Variants in NOS1 observed in about 807,000 individuals in gnomAD.
NOS1 encodes the protein nitric oxide synthase 1.
Under a neutral mutation model 164.5 loss-of-function variants are expected in NOS1, and 51 were observed. That is an observed-to-expected ratio of 0.31 (90% CI 0.25 to 0.39). The LOEUF is 0.39. Ranked by LOEUF, NOS1 falls within the 10% of genes least tolerant of loss-of-function variation. The pLI is 1.00. For missense variants in NOS1, 1,362 were observed against 1,885.6 expected (o/e 0.72, Z 5.14); for synonymous variants, 719 against 745.8 (o/e 0.96, Z 0.59).
In NOS1 at chr12:117,260,534, T is replaced by C. The variant is rs368292097; in HGVS notation, c.2298A>G (p.Thr766=). The C allele has an allele frequency of 1.1e-5, 18 of 1,614,086 alleles. No individual in the cohort carries two copies. In the South Asian group the frequency reaches 1.8e-4, roughly 16 times the overall value. Residue 766 remains threonine, a synonymous_variant, in exon 14 of 29, where the codon ACA becomes ACG. Transcript: ENST00000317775. ...KRVKATILYA[T]ETGKSQAYAK... ...CATAAGCTTGCGATTTGCCTGTCTC[T>C]GTGGCATAGAGGATGGTCGCTTTCA...
chr12:117,342,740 T>A (rs1028247294), intron 1 of NOS1, among the ~76,000 whole-genome samples: 1 of 152,134 alleles, frequency 6.6e-6, no homozygotes, highest in Non-Finnish European at 1.5e-5. Context: ...TTACTCTGGC[T>A]GCTGCTGGAT....
In NOS1 at chr12:117,247,465, G is replaced by A. The variant is rs1047735; in HGVS notation, c.2706C>T (p.His902=). ...GTTCTTCCAGGAGGGTGTCCACAGC[G>A]TGTCCGAAGGCGCAAAAGTGAGGGT... is the stretch of plus-strand genomic sequence containing the variant. ...RAYPHFCAFG[H]AVDTLLEELG... Residue 902 remains histidine, a synonymous_variant, in exon 18 of 29, where the codon CAC becomes CAT. Transcript: ENST00000317775. 0.31 allele frequency: 502,332 copies of A among 1,611,784 alleles called. 82,302 individuals carry two copies. Among genetic ancestry groups the A allele is most frequent in the Admixed American group, 0.56 (33,444 of 59,666 alleles).
chr12:117,268,436 T>G (rs756314150), intron 10 of NOS1, among the ~76,000 whole-genome samples: 2 of 152,010 alleles, frequency 1.3e-5, no homozygotes, highest in African/African-American at 4.8e-5. Context: ...TTCACCATGT[T>G]GGCCAGACTG....
Position 117,268,061 on chromosome 12 carries a change from C to A in NOS1, c.1923G>T (p.Ala641=). The A allele has an allele frequency of 6.2e-7, 1 of 1,613,354 alleles. No individual in the cohort carries two copies. The highest frequency in any genetic ancestry group is 8.5e-7 in the Non-Finnish European group (1 of 1,179,442). ...KDQALVEINI[A]VLYSFQSDKV... ...GTGTTACCTGGAAGCTATAGAGAACCGCGATATTGATCTCCACCAGCGCCT... is the reference window on the plus strand; with the variant it reads ...GTGTTACCTGGAAGCTATAGAGAACAGCGATATTGATCTCCACCAGCGCCT... The change falls in exon 11 of 29, where the codon GCG becomes GCT. Residue 641 remains alanine, a synonymous_variant. Coordinates refer to ENST00000317775, the MANE Select transcript of NOS1 (RefSeq NM_000620.5).
intron 16 of NOS1, among the ~76,000 whole-genome samples, chr12:117,258,097 C>T (rs1871609601): frequency 6.6e-6 from 1 of 152,068 alleles, no homozygotes; most frequent in Admixed American, 6.5e-5. Flanking sequence ...GCCACCACGC[C>T]CAGCACACAG....
intron 26 of NOS1, among the ~76,000 whole-genome samples, chr12:117,221,490 G>A (rs1956704762): frequency 6.6e-6 from 1 of 151,450 alleles, no homozygotes; most frequent in Non-Finnish European, 1.5e-5. Context: ...CACCATGTTG[G>A]CCAGGTTGGT....
At chr12:117,216,912 T>C (rs761062983) in intron 28 of NOS1, among the ~76,000 whole-genome samples, 53 of 152,070 alleles carry the variant, frequency 3.5e-4, no homozygotes, top group Non-Finnish European at 7.4e-5. Context: ...ATTCAAGAAA[T>C]GAGTGTATGC....
intron 1 of NOS1, among the ~76,000 whole-genome samples, chr12:117,341,378 C>G (rs551096109): frequency 6.6e-6 from 1 of 152,054 alleles, no homozygotes; most frequent in East Asian, 1.9e-4. Context: ...ACCACTAGGG[C>G]GGGATGAGGA....
intron 1 of NOS1, among the ~76,000 whole-genome samples, chr12:117,358,098 G>T (rs575259496): frequency 6.6e-6 from 1 of 152,188 alleles, no homozygotes; most frequent in Non-Finnish European, 1.5e-5. Context: ...ATGAAGTCTT[G>T]TCATAAGACA....
intron 28 of NOS1, 69 bp downstream of exon 28, chr12:117,217,977 A>T: frequency 8.8e-7 from 1 of 1,135,886 alleles, no homozygotes; most frequent in South Asian, 1.3e-5. Context: ...AAAGCCAGAC[A>T]TTCCTGCCCA....
At position 117,265,344 on chromosome 12, in the gene NOS1, T is replaced by C; in HGVS notation, c.2108A>G (p.Tyr703Cys). 2 of 1,560,108 alleles carry C rather than the reference T, an allele frequency of 1.3e-6. No homozygotes were observed. Among genetic ancestry groups the C allele is most frequent in the South Asian group, 2.4e-5 (2 of 81,912 alleles). Reference sequence around the variant, plus strand: ...GTATTCGAAGGAGGGGGTGAGCCGGTAGTTGAGCATCTCCTGGTGGAACAC... The same window carrying C: ...GTATTCGAAGGAGGGGGTGAGCCGGCAGTTGAGCATCTCCTGGTGGAACAC... Reference protein sequence around the residue: ...TPVFHQEMLNYRLTPSFEYQP... With the variant: ...TPVFHQEMLNCRLTPSFEYQP... The change falls in exon 12 of 29, where the codon TAC (tyrosine) becomes TGC (cysteine). Residue 703 changes from tyrosine (Y) to cysteine (C), a missense_variant. Transcript: ENST00000317775.
Position 117,269,970 on chromosome 12 carries a change from A to G in NOS1, c.1840-1826T>C, listed in dbSNP as rs536679708. Among the ~76,000 whole-genome samples the G allele has an allele frequency of 2.0e-5, 3 of 152,330 alleles. No homozygotes were observed. The East Asian group carries it at 5.8e-4, about 29-fold the overall frequency. On this transcript the variant is annotated intron_variant, in intron 10 of 28. Coordinates refer to ENST00000317775, the MANE Select transcript of NOS1 (RefSeq NM_000620.5). The stretch of plus-strand genomic sequence containing the variant: ...CTCAGAGAGGTGCCTGGACTTGTCC[A>G]ACGTCCACAGAACCAGCTAGTCTCA...
chr12:117,270,494 T>C lies in NOS1; in HGVS notation c.1839+1891A>G, dbSNP rs17430697. On this transcript the variant is annotated intron_variant, in intron 10 of 28. Transcript: ENST00000317775. The stretch of plus-strand genomic sequence containing the variant: ...ACACATTTGTGGGAAGTAAGAAATT[T>C]GATGCTGCTTTCCATAAATACATAT... Among the ~76,000 whole-genome samples, 1,328 of 152,138 alleles carry C rather than the reference T, an allele frequency of 8.7e-3. 23 individuals carry two copies. Among genetic ancestry groups the C allele is most frequent in the South Asian group, 0.073 (352 of 4,806 alleles).
chr12:117,333,746 G>C (rs1437414904), intron 1 of NOS1, among the ~76,000 whole-genome samples: 2 of 152,134 alleles, frequency 1.3e-5, no homozygotes, highest in Non-Finnish European at 2.9e-5. Context: ...GTGTGGCCCG[G>C]GTGTCAACCG....
chr12:117,345,431 A>G (rs1243339688), intron 1 of NOS1, among the ~76,000 whole-genome samples: 1 of 152,190 alleles, frequency 6.6e-6, no homozygotes, highest in Non-Finnish European at 1.5e-5. Flanking sequence ...TCCAAAAATT[A>G]TCCGCCTCCT....
chr12:117,341,122 C>T lies in NOS1; in HGVS notation c.-420-9633G>A, dbSNP rs576446352. ...CCACCACTATTACTAATTATCATCA[C>T]GTAAGCAGTCATTTTTCTATTGAGC... On this transcript the variant is annotated intron_variant, in intron 1 of 28. Coordinates refer to ENST00000317775, the MANE Select transcript of NOS1 (RefSeq NM_000620.5). Among the ~76,000 whole-genome samples the T allele has an allele frequency of 1.1e-4, 17 of 152,198 alleles. No individual in the cohort carries two copies. The South Asian group carries it at 2.5e-3, about 22-fold the overall frequency.
intron 7 of NOS1, among the ~76,000 whole-genome samples, chr12:117,281,519 C>CAAAAAAAAAA (rs56248436): frequency 2.0e-5 from 1 of 50,860 alleles, no homozygotes; most frequent in Non-Finnish European, 3.2e-5. Context: ...GACTCCATCT[C>CAAAAAAAAAA]AAAAAAAAAA....
chr12:117,233,764 C>T (rs561548873), intron 21 of NOS1, among the ~76,000 whole-genome samples: 5 of 145,890 alleles, frequency 3.4e-5, no homozygotes, highest in Admixed American at 2.2e-4. Context: ...GCCAAGATTG[C>T]GCCACTGCAC....
intron 3 of NOS1, among the ~76,000 whole-genome samples, chr12:117,294,698 GTTA>G (rs1873299401): frequency 6.6e-6 from 1 of 152,202 alleles, no homozygotes; most frequent in Admixed American, 6.5e-5. Flanking sequence ...GCACTTGTGA[GTTA>G]TTATGTTGGG....
Sources: gnomAD v4.1 joint callset for allele counts (sites outside exome capture counted in the v4.1 genomes callset) on GRCh38, gnomAD v4.1.1 for gene constraint, MANE v1.5 for transcripts, NCBI Gene and HGNC (gene_info 2026-07-23, HGNC 2026-07-21) for gene names.